FKBP15: variants seen among roughly 807,000 people sequenced by gnomAD.
FKBP15 encodes FK506-binding protein 15.
FKBP15 carries 106 observed loss-of-function variants against 158.1 expected under a neutral mutation model. The ratio of observed to expected loss-of-function variants is 0.67; its 90% CI spans 0.57 to 0.79. FKBP15 has a LOEUF of 0.79. Ranked by LOEUF, FKBP15 falls within the 30% of genes least tolerant of loss-of-function variation. FKBP15 has a pLI of 0.00. For synonymous variants in FKBP15, 547 were observed against 548.6 expected (o/e 1.00, Z 0.04); for missense variants, 1,287 against 1,479.1 (o/e 0.87, Z 2.13).
intron 2 of FKBP15, among the ~76,000 whole-genome samples, chr9:113,207,574 G>A (rs1004125055): frequency 2.0e-5 from 3 of 151,756 alleles, no homozygotes; most frequent in African/African-American, 4.8e-5. Context: ...TCCTGACCTC[G>A]TGATCCACCT....
intron 2 of FKBP15, among the ~76,000 whole-genome samples, chr9:113,209,741 CT>C: frequency 1.3e-5 from 2 of 152,330 alleles, no homozygotes; most frequent in East Asian, 3.8e-4. Context: ...ACAAAAGTAA[CT>C]TTGAAATGAC....
At chr9:113,170,248 C>G (rs1394567949) in intron 25 of FKBP15, among the ~76,000 whole-genome samples, 1 of 152,084 alleles carries the variant, frequency 6.6e-6, no homozygotes, top group African/African-American at 2.4e-5. Flanking sequence ...GCCTCAGCCT[C>G]CCAAGTAGCT....
At chr9:113,179,675 A>C (rs866692227) in intron 19 of FKBP15, among the ~76,000 whole-genome samples, 30 of 152,024 alleles carry the variant, frequency 2.0e-4, no homozygotes, top group African/African-American at 6.3e-4. Flanking sequence ...GAAAAAAAAA[A>C]AAAACAAGAA....
At chr9:113,175,999 T>C (rs1830293506) in intron 21 of FKBP15, among the ~76,000 whole-genome samples, 1 of 152,224 alleles carries the variant, frequency 6.6e-6, no homozygotes, top group African/African-American at 2.4e-5. Context: ...CCATGATTCT[T>C]ACTCATGCAA....
Position 113,164,737 on chromosome 9 carries a change from T to G in FKBP15, c.*1341A>C, listed in dbSNP as rs1208227305. 1 of 152,254 alleles carries G rather than the reference T, an allele frequency of 6.6e-6. No individual in the cohort carries two copies. The highest frequency in any genetic ancestry group is 2.4e-5 in the African/African-American group (1 of 41,460). 9.4% of individuals were successfully genotyped at this position (152,254 alleles called of 1,614,324 possible). A position where few individuals can be genotyped will look rare whatever the true frequency, so the allele number is the denominator to read the frequency against. On this transcript the variant is annotated 3_prime_UTR_variant, in exon 28 of 28. Coordinates refer to ENST00000238256, the MANE Select transcript of FKBP15 (RefSeq NM_015258.2). ...AGGATTTGAATTCTTGTGCTGAGGC[T>G]TCCTAGATATGTAACTTTGGGCAAA...
chr9:113,217,923 C>T (rs188273795), intron 1 of FKBP15, among the ~76,000 whole-genome samples: 2 of 152,162 alleles, frequency 1.3e-5, no homozygotes, highest in Non-Finnish European at 2.9e-5. Context: ...CACAATCTCC[C>T]TATGTTGGCA....
intron 1 of FKBP15, among the ~76,000 whole-genome samples, chr9:113,219,258 T>C (rs1277376789): frequency 4.6e-5 from 7 of 152,244 alleles, no homozygotes. Flanking sequence ...CTATTAGGCT[T>C]GAATATCCTT....
In FKBP15 at chr9:113,184,267, G is replaced by A. The variant is rs1830448715; in HGVS notation, c.1716+25C>T. On this transcript the variant is annotated intron_variant, in intron 17 of 27. Transcript: ENST00000238256. This position sits in a 1 kb window ranked among gnomAD's most constrained non-coding sequence, Gnocchi z 4.5. ...AGGATGGGTAAGACCTTCAGCCTGA[G>A]TGGTATGTTCTTAATCACCCTCACC... is the stretch of plus-strand genomic sequence containing the variant. The A allele has an allele frequency of 6.6e-7, 1 of 1,509,912 alleles. No individual in the cohort carries two copies. The highest frequency in any genetic ancestry group is 1.4e-5 in the African/African-American group (1 of 73,144). The allele number at this position is 1,509,912 out of a possible 1,614,324, so 93.5% of individuals were successfully genotyped here. A position where few individuals can be genotyped will look rare whatever the true frequency, so the allele number is the denominator to read the frequency against.
At chr9:113,188,656 A>G (rs1254619241) in intron 12 of FKBP15, 165 bp from the exon 13 acceptor site, 1 of 588,346 alleles carries the variant, frequency 1.7e-6, no homozygotes, top group Non-Finnish European at 3.0e-6. Flanking sequence ...TTGTGGAGAA[A>G]AAGCACTCTG....
chr9:113,190,384 G>T, intron 12 of FKBP15, 87 bp downstream of exon 12: 1 of 1,089,566 alleles, frequency 9.2e-7, no homozygotes, highest in Non-Finnish European at 1.4e-6. Context: ...TTCTGCCTTA[G>T]AGAAAAAACA....
chr9:113,218,377 T>TTATATA (rs10539484), intron 1 of FKBP15, among the ~76,000 whole-genome samples: 2,210 of 100,824 alleles, frequency 0.022, 69 homozygotes, highest in African/African-American at 0.026. Flanking sequence ...GTAAATACAA[T>TTATATA]TATATATATA....
At position 113,186,291 on chromosome 9, in the gene FKBP15, G is replaced by C; in HGVS notation, c.1456C>G (p.Pro486Ala). ...TGAGAGAGCGGTGCTGGGTACAAAG[G>C]CCGAACGGGCTGCAGCTGGGAGGTG... ...AVTSQLQPVR[P>A]LYPAPLSQPP... The change falls in exon 15 of 28, where the codon CCT becomes GCT. Residue 486 changes from proline to alanine, a missense_variant. Pro to Ala is a conservative substitution (Grantham distance 27). Transcript: ENST00000238256. The C allele has an allele frequency of 1.3e-6, 2 of 1,570,576 alleles. No homozygotes were observed. Among genetic ancestry groups the C allele is most frequent in the Non-Finnish European group, 1.7e-6 (2 of 1,157,136 alleles).
intron 1 of FKBP15, among the ~76,000 whole-genome samples, chr9:113,216,082 T>TGAA (rs1831125991): frequency 2.5e-5 from 1 of 39,788 alleles, no homozygotes; most frequent in Admixed American, 2.5e-4. Flanking sequence ...CTTTATTTTG[T>TGAA]GAAAAAAAAA....
intron 4 of FKBP15, among the ~76,000 whole-genome samples, chr9:113,204,746 C>T (rs1286468836): frequency 6.6e-6 from 1 of 152,226 alleles, no homozygotes; most frequent in Non-Finnish European, 1.5e-5. Context: ...TATTCTGACT[C>T]TGTTAAACCC....
chr9:113,215,838 A>T (rs1831119547), intron 1 of FKBP15, among the ~76,000 whole-genome samples: 1 of 150,616 alleles, frequency 6.6e-6, no homozygotes. Context: ...TTTAGTAGAA[A>T]CAGGGTTTTG....
rs1317457466 is a variant in FKBP15, at chr9:113,164,044, A to G, written c.*2034T>C. The G allele has an allele frequency of 6.5e-6, 1 of 152,704 alleles. No individual in the cohort carries two copies. The highest frequency in any genetic ancestry group is 1.5e-5 in the Non-Finnish European group (1 of 68,046). The allele number at this position is 152,704 out of a possible 1,614,324, so 9.5% of individuals were successfully genotyped here. ...GAAAGAGAGAAAATCACTGCTGTAT[A>G]CTAAATACCTCACAGATTAGATGAA... On this transcript the variant is annotated 3_prime_UTR_variant, in exon 28 of 28. Transcript: ENST00000238256.
rs1200720171 is a variant in FKBP15, at chr9:113,164,609, G to GTGTC, written c.*1465_*1468dup. The GTGTC allele has an allele frequency of 2.0e-5, 3 of 152,278 alleles. No homozygotes were observed. The highest frequency in any genetic ancestry group is 7.2e-5 in the African/African-American group (3 of 41,418). The allele number at this position is 152,278 out of a possible 1,614,324, so 9.4% of individuals were successfully genotyped here. On this transcript the variant is annotated 3_prime_UTR_variant, in exon 28 of 28. Transcript: ENST00000238256. ...TTGCAGGGAACTGGAAAGCTGCCTG[G>GTGTC]TGTCTCAAGAAGCCTGTTTCTAAAA...
chr9:113,211,522 T>G lies in FKBP15; in HGVS notation c.124A>C (p.Thr42Pro). 1 of 1,609,720 alleles carries G rather than the reference T, an allele frequency of 6.2e-7. No individual in the cohort carries two copies. Among genetic ancestry groups the G allele is most frequent in the South Asian group, 1.1e-5 (1 of 89,734 alleles). Residue 42 changes from threonine (T) to proline (P), a missense_variant, in exon 2 of 28, where the codon ACA becomes CCA. Thr to Pro is a conservative substitution (Grantham distance 38, BLOSUM62 -1). Coordinates refer to ENST00000238256, the MANE Select transcript of FKBP15 (RefSeq NM_015258.2). ...CCTTTCTTAGGCTGTTTTGGGGCTGTGTACTGGAAAAATTCATTTCCATGG... is the reference window on the plus strand; with the variant it reads ...CCTTTCTTAGGCTGTTTTGGGGCTGGGTACTGGAAAAATTCATTTCCATGG... The part of the protein sequence containing the change: ...AGHGNEFFQY[T>P]APKQPKKGQG...
At chr9:113,176,452 A>C in intron 21 of FKBP15, 85 bp downstream of exon 21, 6 of 1,388,164 alleles carry the variant, frequency 4.3e-6, no homozygotes, top group Non-Finnish European at 5.8e-6. Flanking sequence ...TTGTTACAAT[A>C]AGCACATACT....
Sources: allele counts gnomAD v4.1 joint callset (sites outside exome capture counted in the v4.1 genomes callset), GRCh38; gene constraint gnomAD v4.1.1; non-coding constraint Gnocchi (gnomAD v3.1); transcripts MANE v1.5; gene names NCBI Gene and HGNC (gene_info 2026-07-23, HGNC 2026-07-21).